GNAS: variants seen among roughly 807,000 people sequenced by gnomAD.
The protein encoded by GNAS is protein ALEX.
In GNAS, 8 loss-of-function variants were observed where a neutral mutation model predicts 54.5. That is an observed-to-expected ratio of 0.15 (90% CI 0.09 to 0.26). GNAS has a LOEUF of 0.26. GNAS is among the 10% of genes least tolerant of loss of function. GNAS has a pLI of 1.00. For missense variants in GNAS, 170 were observed against 529.8 expected, an observed-to-expected ratio of 0.32 and a Z score of 6.67; for synonymous variants, 204 against 191.4, an observed-to-expected ratio of 1.07 and a Z score of -0.54.
intron 1 of GNAS, among the ~76,000 whole-genome samples, chr20:58,894,728 G>C (rs1237558973): frequency 6.6e-6 from 1 of 152,186 alleles, no homozygotes; most frequent in Non-Finnish European, 1.5e-5. Flanking sequence ...CTTTGAGTTG[G>C]GAAGGGCTTG....
Position 58,909,655 on chromosome 20 carries a change from C to T in GNAS, c.719-29C>T, listed in dbSNP as rs758846750. Reference sequence around the variant, plus strand: ...TGTTAGGGATCAGGGTCGCTGCTCACGCTCTTGGCTTTGCTCTCTTTGGTT... The same window carrying T: ...TGTTAGGGATCAGGGTCGCTGCTCATGCTCTTGGCTTTGCTCTCTTTGGTT... On this transcript the variant is annotated intron_variant, in intron 9 of 12. Coordinates refer to ENST00000371085, the MANE Select transcript of GNAS (RefSeq NM_000516.7). This position sits in a 1 kb window ranked among gnomAD's most constrained non-coding sequence, Gnocchi z 7.3. 7 of 1,614,014 alleles carry T rather than the reference C, an allele frequency of 4.3e-6. No individual in the cohort carries two copies. The highest frequency in any genetic ancestry group is 1.3e-5 in the African/African-American group (1 of 74,910).
At chr20:58,897,220 C>T (rs140622430) in intron 2 of GNAS, among the ~76,000 whole-genome samples, 6 of 152,250 alleles carry the variant, frequency 3.9e-5, no homozygotes, top group East Asian at 3.9e-4. Flanking sequence ...CAACCAATTC[C>T]GAAATTAATT....
At chr20:58,840,322 C>T (rs367861404), upstream of GNAS, 1 of 1,612,954 alleles carries the variant, frequency 6.2e-7, no homozygotes, top group Non-Finnish European at 8.5e-7. This position sits in a 1 kb window ranked among gnomAD's most constrained non-coding sequence, Gnocchi z 6.0. Flanking sequence ...ACCGCTCCGG[C>T]GCCCAGGTAT....
chr20:58,905,213 G>A (rs888610972), intron 5 of GNAS, among the ~76,000 whole-genome samples, 170 bp from the exon 6 acceptor site: 3 of 152,136 alleles, frequency 2.0e-5, no homozygotes, highest in African/African-American at 4.8e-5. Context: ...TATGTTTAAC[G>A]TGTTGAATTA....
At chr20:58,876,269 G>A (rs192980401) in intron 1 of GNAS, among the ~76,000 whole-genome samples, 18 of 152,268 alleles carry the variant, frequency 1.2e-4, no homozygotes, top group African/African-American at 3.6e-4. Flanking sequence ...CCTAACACTC[G>A]AGTTTCCTTA....
At chr20:58,888,025 T>A (rs1445946863), upstream of GNAS, among the ~76,000 whole-genome samples, 1 of 152,230 alleles carries the variant, frequency 6.6e-6, no homozygotes, top group African/African-American at 2.4e-5. Flanking sequence ...GATACAAGTT[T>A]GCTCAAGGCC....
At chr20:58,889,156 C>T (rs1443601952), upstream of GNAS, 2 of 1,215,194 alleles carry the variant, frequency 1.6e-6, no homozygotes, top group Non-Finnish European at 2.1e-6. Context: ...CGGTTAGAAG[C>T]TCTGCTCCCC....
Position 58,891,657 on chromosome 20 carries a change from GGCCCGCGTGAGGCC to G in GNAS, c.-62_-49del. 2 of 967,288 alleles carry G rather than the reference GGCCCGCGTGAGGCC, an allele frequency of 2.1e-6. No individual in the cohort carries two copies. Among genetic ancestry groups the G allele is most frequent in the South Asian group, 4.7e-5 (1 of 21,132 alleles). The allele number at this position is 967,288 out of a possible 1,614,324, so 59.9% of individuals were successfully genotyped here. On this transcript the variant is annotated 5_prime_UTR_variant, in exon 1 of 13. Coordinates refer to ENST00000371085, the MANE Select transcript of GNAS (RefSeq NM_000516.7). ...CGCCCGGCGCTGCCCCGGCCCTCCC[GGCCCGCGTGAGGCC>G]GCCCGCGCCCGCCGCCGCCGCAGCC... is the stretch of plus-strand genomic sequence containing the variant.
rs587776829 is a variant in GNAS at position 58,909,193 on chromosome 20, GCTGA to G, written c.565_568del (p.Asp189MetfsTer14). 6.2e-7 allele frequency: 1 copy of G among 1,614,054 alleles called. No individual in the cohort carries two copies. Among genetic ancestry groups the G allele is most frequent in the Non-Finnish European group, 8.5e-7 (1 of 1,179,960 alleles). Reference sequence around the variant, plus strand: ...GGACAAGATCGACGTGATCAAGCAGGCTGACTATGTGCCGAGCGATCAGGTGTGC... The same window carrying G: ...GGACAAGATCGACGTGATCAAGCAGGCTATGTGCCGAGCGATCAGGTGTGC... On this transcript the variant is annotated frameshift_variant, in exon 7 of 13. Coordinates refer to ENST00000371085, the MANE Select transcript of GNAS (RefSeq NM_000516.7). LOFTEE classifies it high-confidence loss of function. This position sits in a 1 kb window ranked among gnomAD's most constrained non-coding sequence, Gnocchi z 7.3.
At chr20:58,859,935 T>C (rs1441009304) in intron 1 of GNAS, among the ~76,000 whole-genome samples, 1 of 152,186 alleles carries the variant, frequency 6.6e-6, no homozygotes, top group African/African-American at 2.4e-5. Context: ...TAAGGCACTT[T>C]TACTCAAAGA....
chr20:58,869,998 C>G (rs904936845), intron 1 of GNAS, among the ~76,000 whole-genome samples: 1 of 152,202 alleles, frequency 6.6e-6, no homozygotes, highest in Admixed American at 6.5e-5. Flanking sequence ...ACCACCCCAC[C>G]CAGCAGCTGG....
Position 58,909,226 on chromosome 20 carries a change from AC to A in GNAS, c.585+14del. Reference sequence around the variant, plus strand: ...TGTGCCGAGCGATCAGGTGTGCAAAACCCCTCCCCACCAGAGGACTCTGAGC... The same window carrying A: ...TGTGCCGAGCGATCAGGTGTGCAAAACCCTCCCCACCAGAGGACTCTGAGC... On this transcript the variant is annotated intron_variant, in intron 7 of 12. Transcript: ENST00000371085. This position sits in a 1 kb window ranked among gnomAD's most constrained non-coding sequence, Gnocchi z 7.3. The A allele has an allele frequency of 6.2e-7, 1 of 1,611,220 alleles. No individual in the cohort carries two copies.
chr20:58,895,359 GAAAA>G (rs1214391262), intron 1 of GNAS: 1 of 487,402 alleles, frequency 2.1e-6, no homozygotes, highest in Non-Finnish European at 3.7e-6. Flanking sequence ...ACAATCAAAA[GAAAA>G]ATTAAAACCA....
chr20:58,865,402 G>A (rs2086998154), intron 1 of GNAS, among the ~76,000 whole-genome samples: 1 of 148,536 alleles, frequency 6.7e-6, no homozygotes, highest in Non-Finnish European at 1.5e-5. Flanking sequence ...TGGGCAACAA[G>A]AGCAAAACTC....
chr20:58,840,111 A>AAT (rs767440362), upstream of GNAS: 6 of 1,610,792 alleles, frequency 3.7e-6, no homozygotes, highest in Admixed American at 1.0e-4. This position sits in a 1 kb window ranked among gnomAD's most constrained non-coding sequence, Gnocchi z 6.0. Flanking sequence ...AAGAGGATGG[A>AAT]TCGGAGGTCC....
At chr20:58,889,225 G>GCGCGA, upstream of GNAS, 1 of 1,208,088 alleles carries the variant, frequency 8.3e-7, no homozygotes. Flanking sequence ...TGGCTGGCCG[G>GCGCGA]CGCGGCGCTC....
In GNAS at chr20:58,909,334, C is replaced by T. The variant is rs1210899177; in HGVS notation, c.586-16C>T. The T allele has an allele frequency of 1.2e-6, 2 of 1,609,810 alleles. No homozygotes were observed. Among genetic ancestry groups the T allele is most frequent in the African/African-American group, 1.3e-5 (1 of 74,910 alleles). ...GTTGGCTTTGGTGAGATCCATTGAC[C>T]TCAATTTTGTTTCAGGACCTGCTTC... On this transcript the variant is annotated splice_polypyrimidine_tract_variant and intron_variant, in intron 7 of 12. Transcript: ENST00000371085. This position sits in a 1 kb window ranked among gnomAD's most constrained non-coding sequence, Gnocchi z 7.3.
At position 58,841,780 on chromosome 20, in the gene GNAS, G is replaced by C; in HGVS notation, c.43+894G>C. 1 of 1,230,498 alleles carries C rather than the reference G, an allele frequency of 8.1e-7. No individual in the cohort carries two copies. Among genetic ancestry groups the C allele is most frequent in the Non-Finnish European group, 1.0e-6 (1 of 987,686 alleles). 76.2% of individuals were successfully genotyped at this position (1,230,498 alleles called of 1,614,324 possible). On this transcript the variant is annotated intron_variant, in intron 1 of 12. Transcript: ENST00000306090. The surrounding 1 kb of genome is among the most constrained non-coding windows in gnomAD (Gnocchi z 5.0). ...GTATTGCCAAGCTTTTGGCGCAGCT[G>C]GTCGGGTGGCCAGGCTGCATGCGGC...
intron 1 of GNAS, chr20:58,850,721 G>C: frequency 2.5e-6 from 1 of 398,846 alleles, no homozygotes; most frequent in Non-Finnish European, 4.4e-6. Context: ...ACACACCCAA[G>C]GGTTGGCCCC....
Sources: gnomAD v4.1 joint callset for allele counts (sites outside exome capture counted in the v4.1 genomes callset) on GRCh38, gnomAD v4.1.1 for gene constraint, Gnocchi (gnomAD v3.1) non-coding constraint, MANE v1.5 for transcripts, NCBI Gene and HGNC (gene_info 2026-07-23, HGNC 2026-07-21) for gene names.